The following RBFOX1 variants were observed in gnomAD, a reference collection of about 807,000 sequenced individuals.
The protein encoded by RBFOX1 is RNA binding fox-1 homolog 1.
Under a neutral mutation model 57.7 loss-of-function variants are expected in RBFOX1, and 8 were observed. That is an observed-to-expected ratio of 0.14 (90% CI 0.08 to 0.25). RBFOX1 has a LOEUF of 0.25. Among genes scored for constraint, RBFOX1 ranks in the 10% least tolerant of loss-of-function variants. RBFOX1 has a pLI of 1.00. For missense variants in RBFOX1, 611 were observed against 548.5 expected (o/e 1.11, Z -1.14); for synonymous variants, 326 against 222.4 (o/e 1.47, Z -4.15).
intron 3 of RBFOX1, among the ~76,000 whole-genome samples, chr16:5,803,959 A>G (rs892811343): frequency 1.3e-5 from 2 of 151,972 alleles, no homozygotes; most frequent in African/African-American, 4.8e-5. Context: ...GCCCTTCCCT[A>G]CTTGTCAAAC....
upstream of RBFOX1, among the ~76,000 whole-genome samples, chr16:6,017,423 C>G (rs1027250540): frequency 6.6e-6 from 1 of 152,138 alleles, no homozygotes; most frequent in Non-Finnish European, 1.5e-5. Context: ...GCGGTTTTCC[C>G]ATTGTGAACA....
chr16:5,281,734 T>G (rs558702920), intron 1 of RBFOX1, among the ~76,000 whole-genome samples: 1 of 152,334 alleles, frequency 6.6e-6, no homozygotes, highest in African/African-American at 2.4e-5. Context: ...CTGATGTAAG[T>G]TTAACTACTC....
At chr16:6,524,927 T>A (rs1025326767) in intron 2 of RBFOX1, among the ~76,000 whole-genome samples, 6 of 152,170 alleles carry the variant, frequency 3.9e-5, no homozygotes, top group Admixed American at 1.3e-4. Flanking sequence ...TATGACCTCA[T>A]CTTAACTAAT....
chr16:7,690,654 C>T (rs2077115908), intron 14 of RBFOX1, among the ~76,000 whole-genome samples: 1 of 126,158 alleles, frequency 7.9e-6, no homozygotes, highest in African/African-American at 2.9e-5. Context: ...CAGAATATAC[C>T]TGCATTGTTC....
intron 1 of RBFOX1, among the ~76,000 whole-genome samples, chr16:6,157,971 A>C (rs574463649): frequency 1.3e-5 from 2 of 152,354 alleles, no homozygotes; most frequent in Admixed American, 1.3e-4. Flanking sequence ...CTATGAGCAG[A>C]AAGATGAGAT....
In RBFOX1 at chr16:7,579,931, C is replaced by G. The variant is rs768774068; in HGVS notation, c.414+11C>G. ...AGACAAATGTTTGGTGTAAGTATCA[C>G]CTTTCTTCCCAGCAGTGCCCGCTCT... On this transcript the variant is annotated intron_variant, in intron 6 of 15. Transcript: ENST00000550418. The G allele has an allele frequency of 6.2e-7, 1 of 1,613,806 alleles. No homozygotes were observed. The highest frequency in any genetic ancestry group is 1.7e-5 in the Admixed American group (1 of 60,002).
chr16:5,936,117 G>T (rs575669950), intron 4 of RBFOX1, among the ~76,000 whole-genome samples: 1 of 152,036 alleles, frequency 6.6e-6, no homozygotes, highest in African/African-American at 2.4e-5. Flanking sequence ...TCCTAGGGAG[G>T]AATGGTGGTG....
intron 2 of RBFOX1, among the ~76,000 whole-genome samples, chr16:6,625,058 G>C (rs920177592): frequency 6.6e-6 from 1 of 150,570 alleles, no homozygotes; most frequent in African/African-American, 2.4e-5. Flanking sequence ...CCAGCTGTTT[G>C]GGAGGCTGAG....
At chr16:6,247,894 C>T (rs2097578149) in intron 1 of RBFOX1, among the ~76,000 whole-genome samples, 1 of 152,194 alleles carries the variant, frequency 6.6e-6, no homozygotes, top group South Asian at 2.1e-4. Flanking sequence ...AAGCTCCAGT[C>T]ACTCTCCAAG....
intron 3 of RBFOX1, among the ~76,000 whole-genome samples, chr16:5,706,272 C>T (rs1340398970): frequency 6.6e-6 from 1 of 152,122 alleles, no homozygotes; most frequent in Non-Finnish European, 1.5e-5. Context: ...AAAATGTGTA[C>T]AGGTGAGGAA....
At chr16:7,213,353 A>G (rs1260712913) in intron 4 of RBFOX1, among the ~76,000 whole-genome samples, 1 of 152,206 alleles carries the variant, frequency 6.6e-6, no homozygotes, top group African/African-American at 2.4e-5. Flanking sequence ...AATTTTAGGA[A>G]TACGGGACTC....
At chr16:5,865,840 A>C (rs1011509877) in intron 3 of RBFOX1, among the ~76,000 whole-genome samples, 1 of 152,052 alleles carries the variant, frequency 6.6e-6, no homozygotes, top group Non-Finnish European at 1.5e-5. Context: ...GGGTCTGCTC[A>C]TTGGGTTGTA....
chr16:7,306,596 T>TGC (rs1481503069), intron 4 of RBFOX1, among the ~76,000 whole-genome samples: 5 of 151,772 alleles, frequency 3.3e-5, no homozygotes, highest in Non-Finnish European at 7.4e-5. Context: ...TGTGTGTGTG[T>TGC]GTGTGTGTAT....
intron 1 of RBFOX1, among the ~76,000 whole-genome samples, chr16:5,444,588 C>T (rs1263185435): frequency 3.3e-5 from 5 of 152,156 alleles, no homozygotes; most frequent in African/African-American, 1.2e-4. Context: ...CTCCCACATC[C>T]CAGCCCCAGA....
intron 4 of RBFOX1, among the ~76,000 whole-genome samples, chr16:7,508,774 C>T (rs985927119): frequency 1.3e-5 from 2 of 152,124 alleles, no homozygotes; most frequent in African/African-American, 4.8e-5. Context: ...GCGGTCTCTT[C>T]CACCCTCACC....
chr16:6,553,571 T>C (rs1277782329), intron 2 of RBFOX1, among the ~76,000 whole-genome samples: 1 of 152,208 alleles, frequency 6.6e-6, no homozygotes, highest in South Asian at 2.1e-4. Flanking sequence ...TAATCACATC[T>C]TACTCACCTT....
chr16:7,489,691 T>A (rs2066422982), intron 4 of RBFOX1, among the ~76,000 whole-genome samples: 1 of 151,850 alleles, frequency 6.6e-6, no homozygotes, highest in Admixed American at 6.6e-5. Flanking sequence ...AATTGTTTTT[T>A]ATTTTTTGTA....
In RBFOX1 at chr16:7,637,887, T is replaced by G. The variant is rs531747338; in HGVS notation, c.757+7204T>G. On this transcript the variant is annotated intron_variant, in intron 11 of 15. Coordinates refer to ENST00000550418, the MANE Select transcript of RBFOX1 (RefSeq NM_018723.4). The stretch of plus-strand genomic sequence containing the variant: ...TTTTAATGCAATATTTTTAAAAATC[T>G]AAAGTAACAGAAAAAGATCCATGAT... Among the ~76,000 whole-genome samples, 5 of 152,296 alleles carry G rather than the reference T, an allele frequency of 3.3e-5. No homozygotes were observed. The South Asian group carries it at 1.0e-3, about 32-fold the overall frequency.
At chr16:6,839,163 C>G (rs953659514) in intron 3 of RBFOX1, among the ~76,000 whole-genome samples, 3 of 151,496 alleles carry the variant, frequency 2.0e-5, no homozygotes, top group East Asian at 1.9e-4. Context: ...TTTTGTATTT[C>G]TTGTAGAGAC....
Sources: gnomAD v4.1 joint callset for allele counts (sites outside exome capture counted in the v4.1 genomes callset) on GRCh38, gnomAD v4.1.1 for gene constraint, MANE v1.5 for transcripts, NCBI Gene and HGNC (gene_info 2026-07-23, HGNC 2026-07-21) for gene names.